Variants in MGA observed in about 807,000 individuals in gnomAD.
The protein encoded by MGA is MAX gene-associated protein.
In MGA, 40 loss-of-function variants were observed where a neutral mutation model predicts 261.1. The ratio of observed to expected loss-of-function variants is 0.15; its 90% CI spans 0.12 to 0.20. The LOEUF is 0.20. Ranked by LOEUF, MGA falls within the 10% of genes least tolerant of loss-of-function variation. The pLI is 1.00. For synonymous variants in MGA, 1,302 were observed against 1,290.6 expected, an observed-to-expected ratio of 1.01 and a Z score of -0.19; for missense variants, 3,397 against 3,630.5, an observed-to-expected ratio of 0.94 and a Z score of 1.65.
At chr15:41,764,009 A>G (rs1182151206) in intron 22 of MGA, among the ~76,000 whole-genome samples, 1 of 151,486 alleles carries the variant, frequency 6.6e-6, no homozygotes, top group Non-Finnish European at 1.5e-5. Flanking sequence ...AAATACCAAA[A>G]TTAGCCGGAT....
rs1307862942 is a variant in MGA at position 41,757,822 on chromosome 15, G to C, written c.7174G>C (p.Ala2392Pro). 6.2e-7 allele frequency: 1 copy of C among 1,609,630 alleles called. No individual in the cohort carries two copies. The highest frequency in any genetic ancestry group is 8.5e-7 in the Non-Finnish European group (1 of 1,176,532). The change falls in exon 19 of 24, where the codon GCT (alanine) becomes CCT (proline). Residue 2392 changes from alanine to proline, a missense_variant. Transcript: ENST00000219905. ...TCACATCTCTGCAGATGAAAAAGCA[G>C]CTGAAAGGAGTCGAAAGGTATTTAG...
intron 17 of MGA, 182 bp downstream of exon 17, chr15:41,750,797 C>G (rs1294318767): frequency 1.8e-6 from 1 of 555,130 alleles, no homozygotes; most frequent in Non-Finnish European, 3.0e-6. Context: ...ATTTATTGAG[C>G]TTTTATTCTT....
In MGA at chr15:41,696,520, G is replaced by A; in HGVS notation, c.1510G>A (p.Glu504Lys). The change falls in exon 3 of 24, where the codon GAA becomes AAA. Residue 504 changes from glutamate to lysine, a missense_variant. Around this residue, in one of 9 missense-constraint regions of MGA, gnomAD observed 563 missense variants for 563.6 expected, o/e 1.00. Transcript: ENST00000219905. ...AAAGGATAAATCTTCTATGTTGGCA[G>A]AATTGGAATATTTGCCTACATACAT... is the stretch of plus-strand genomic sequence containing the variant. 1.2e-6 allele frequency: 2 copies of A among 1,613,976 alleles called. No homozygotes were observed. Among genetic ancestry groups the A allele is most frequent in the African/African-American group, 1.3e-5 (1 of 75,056 alleles).
intron 23 of MGA, 98 bp from the exon 24 acceptor site, chr15:41,765,906 A>G (rs2063773321): frequency 8.9e-6 from 9 of 1,008,444 alleles, no homozygotes; most frequent in South Asian, 1.8e-5. Flanking sequence ...AATTTAGACT[A>G]CAAATCCCTA....
intron 12 of MGA, 129 bp from the exon 13 acceptor site, chr15:41,736,052 G>A: frequency 2.4e-6 from 2 of 833,674 alleles, no homozygotes; most frequent in South Asian, 2.1e-5. Context: ...TGTGAAAGTT[G>A]ATACATTTTA....
intron 17 of MGA, 53 bp downstream of exon 17, chr15:41,750,668 T>A (rs1436842142): frequency 2.0e-6 from 3 of 1,479,292 alleles, no homozygotes; most frequent in African/African-American, 1.4e-5. Flanking sequence ...AAATGATTTA[T>A]TAAAGACAGA....
At position 41,762,098 on chromosome 15, in the gene MGA, G is replaced by T. The variant is rs1264406710; in HGVS notation, c.7511-31G>T. ...GTTTCTCATTATGTGGCGTAATGCTGAAAGTGCTAATGTATTCTGTTAACT... is the reference window on the plus strand; with the variant it reads ...GTTTCTCATTATGTGGCGTAATGCTTAAAGTGCTAATGTATTCTGTTAACT... On this transcript the variant is annotated intron_variant, in intron 21 of 23. Coordinates refer to ENST00000219905, the MANE Select transcript of MGA (RefSeq NM_001164273.2). The T allele has an allele frequency of 2.6e-6, 4 of 1,532,534 alleles. No individual in the cohort carries two copies. In the South Asian group the frequency reaches 4.6e-5, roughly 18 times the overall value. The allele number at this position is 1,532,534 out of a possible 1,614,324, so 94.9% of individuals were successfully genotyped here.
chr15:41,757,754 C>T (rs754796040), intron 18 of MGA, 34 bp from the exon 19 acceptor site: 3 of 1,562,992 alleles, frequency 1.9e-6, no homozygotes, highest in South Asian at 2.3e-5. Context: ...TATTAAATTT[C>T]AGTAAGACAC....
intron 18 of MGA, among the ~76,000 whole-genome samples, chr15:41,756,362 G>T (rs956034429): frequency 3.0e-4 from 45 of 152,204 alleles, no homozygotes; most frequent in African/African-American, 1.0e-3. Context: ...TAAAACCACA[G>T]TGACTTTACC....
chr15:41,652,066 C>T (rs2057073974), intron 1 of MGA, among the ~76,000 whole-genome samples: 1 of 135,218 alleles, frequency 7.4e-6, no homozygotes, highest in Non-Finnish European at 1.6e-5. Context: ...CTTGGGTTCA[C>T]GCCATTCTCC....
At chr15:41,658,743 A>T (rs936637602), upstream of MGA, among the ~76,000 whole-genome samples, 1 of 150,484 alleles carries the variant, frequency 6.6e-6, no homozygotes, top group African/African-American at 2.5e-5. Context: ...TCTAGTATTT[A>T]GTTATATGTT....
At chr15:41,682,214 C>G (rs754420515) in intron 2 of MGA, among the ~76,000 whole-genome samples, 1 of 151,818 alleles carries the variant, frequency 6.6e-6, no homozygotes, top group Non-Finnish European at 1.5e-5. Flanking sequence ...ACTGCACCCC[C>G]CTTCTACCTA....
chr15:41,726,593 G>A (rs1038807737), intron 9 of MGA, among the ~76,000 whole-genome samples: 1 of 151,954 alleles, frequency 6.6e-6, no homozygotes, highest in Non-Finnish European at 1.5e-5. Flanking sequence ...GCCAGGTGTG[G>A]TGGCATATAC....
chr15:41,730,174 G>A (rs1381723266), intron 11 of MGA, among the ~76,000 whole-genome samples: 1 of 152,108 alleles, frequency 6.6e-6, no homozygotes, highest in South Asian at 2.1e-4. Flanking sequence ...GATTACAGGC[G>A]TGAGCCACTG....
chr15:41,651,923 T>C, intron 1 of MGA, among the ~76,000 whole-genome samples: 1 of 74,398 alleles, frequency 1.3e-5, no homozygotes, highest in Non-Finnish European at 2.7e-5. Context: ...CTCCACTCCT[T>C]CCTCTCCCTC....
intron 2 of MGA, among the ~76,000 whole-genome samples, chr15:41,690,072 A>G (rs2059192582): frequency 6.6e-6 from 1 of 152,192 alleles, no homozygotes. Context: ...AAAACCCATT[A>G]AAAGTAACTT....
In MGA at chr15:41,725,556, G is replaced by A. The variant is rs1192990177; in HGVS notation, c.3431-1624G>A. 1.7e-3 allele frequency among the ~76,000 whole-genome samples: 14 copies of A among 8,188 alleles called. 5 individuals carry two copies. The highest frequency in any genetic ancestry group is 9.1e-3 in the Admixed American group (4 of 440). 5.4% of individuals were successfully genotyped at this position (8,188 alleles called of 152,430 possible). On this transcript the variant is annotated intron_variant, in intron 9 of 23. Coordinates refer to ENST00000219905, the MANE Select transcript of MGA (RefSeq NM_001164273.2). ...CTTAAAAAAATAAATAAGTAGGGCCGGGCGCGGTGGCTCACGCCTGTAATC... is the reference window on the plus strand; with the variant it reads ...CTTAAAAAAATAAATAAGTAGGGCCAGGCGCGGTGGCTCACGCCTGTAATC...
At chr15:41,750,838 G>C (rs565996605) in intron 17 of MGA, 7 of 434,804 alleles carry the variant, frequency 1.6e-5, no homozygotes, top group African/African-American at 1.4e-4. Flanking sequence ...GGGAAGGCTG[G>C]CTTAAATATT....
Position 41,723,172 on chromosome 15 carries a change from C to CT in MGA, c.3431-3999dup, listed in dbSNP as rs200182956. Among the ~76,000 whole-genome samples the CT allele has an allele frequency of 1.1e-4, 17 of 151,368 alleles. 1 individual carries two copies. Among genetic ancestry groups the CT allele is most frequent in the African/African-American group, 2.9e-4 (12 of 41,240 alleles). Reference sequence around the variant, plus strand: ...CCACCTTTTCCTGCTGAGTGTTGTTCTTTTTTTTTCCTGAGTTTCAGGGAA... The same window carrying CT: ...CCACCTTTTCCTGCTGAGTGTTGTTCTTTTTTTTTTCCTGAGTTTCAGGGAA... On this transcript the variant is annotated intron_variant, in intron 9 of 23. Coordinates refer to ENST00000219905, the MANE Select transcript of MGA (RefSeq NM_001164273.2).
Sources: gnomAD v4.1 joint callset for allele counts (sites outside exome capture counted in the v4.1 genomes callset) on GRCh38, gnomAD v4.1.1 for gene constraint, gnomAD v4.1.1 regional missense constraint, MANE v1.5 for transcripts, NCBI Gene and HGNC (gene_info 2026-07-23, HGNC 2026-07-21) for gene names.